The following PTPRG variants were observed in gnomAD, a reference collection of about 807,000 sequenced individuals.
PTPRG encodes the protein protein tyrosine phosphatase receptor type G.
In PTPRG, 102 loss-of-function variants were observed where a neutral mutation model predicts 165.3. The observed-to-expected ratio is 0.62, with a 90% CI of 0.53 to 0.73. PTPRG has a LOEUF of 0.73. Among genes scored for constraint, PTPRG ranks in the 30% least tolerant of loss-of-function variants. PTPRG has a pLI of 0.00. For missense variants in PTPRG, 1,866 were observed against 1,861.4 expected (o/e 1.00, Z -0.05); for synonymous variants, 675 against 669.5 (o/e 1.01, Z -0.13).
chr3:61,565,193 A>G (rs1307023163), intron 1 of PTPRG, among the ~76,000 whole-genome samples: 1 of 152,156 alleles, frequency 6.6e-6, no homozygotes, highest in Non-Finnish European at 1.5e-5. Flanking sequence ...GCTTTTTCCC[A>G]GTGGATTGGA....
At chr3:61,644,177 C>T (rs1160595386) in intron 1 of PTPRG, among the ~76,000 whole-genome samples, 1 of 152,194 alleles carries the variant, frequency 6.6e-6, no homozygotes, top group Non-Finnish European at 1.5e-5. Context: ...AGGCCTCTGT[C>T]TTTTCAGCTT....
intron 5 of PTPRG, among the ~76,000 whole-genome samples, chr3:62,121,896 C>T (rs1393891928): frequency 6.6e-6 from 1 of 152,160 alleles, no homozygotes; most frequent in Non-Finnish European, 1.5e-5. Context: ...CTACAAATGG[C>T]ACGTTCTATC....
intron 4 of PTPRG, among the ~76,000 whole-genome samples, chr3:62,063,373 A>G (rs1700884805): frequency 6.6e-6 from 1 of 152,166 alleles, no homozygotes; most frequent in Non-Finnish European, 1.5e-5. Context: ...CCTCTCTCTA[A>G]TCATTCCTGT....
intron 4 of PTPRG, among the ~76,000 whole-genome samples, chr3:62,074,732 A>G (rs1408824913): frequency 2.6e-5 from 4 of 152,160 alleles, no homozygotes; most frequent in Non-Finnish European, 2.9e-5. Flanking sequence ...ATTACTAGAA[A>G]GAACAGACTT....
Position 62,254,381 on chromosome 3 carries a change from C to T in PTPRG, c.2468-743C>T, listed in dbSNP as rs1176531875. On this transcript the variant is annotated intron_variant, in intron 15 of 29. Coordinates refer to ENST00000474889, the MANE Select transcript of PTPRG (RefSeq NM_002841.4). This position sits in a 1 kb window ranked among gnomAD's most constrained non-coding sequence, Gnocchi z 4.6. The stretch of plus-strand genomic sequence containing the variant: ...CTATTTTATAGCAGTACTCAAGTAT[C>T]ATGATAAATAAGCTTAAAACATACT... Among the ~76,000 whole-genome samples the T allele has an allele frequency of 6.6e-6, 1 of 152,072 alleles. No individual in the cohort carries two copies. The highest frequency in any genetic ancestry group is 1.5e-5 in the Non-Finnish European group (1 of 68,012).
chr3:61,665,964 G>A (rs1455388450), intron 1 of PTPRG, among the ~76,000 whole-genome samples: 1 of 147,986 alleles, frequency 6.8e-6, no homozygotes, highest in African/African-American at 2.5e-5. Flanking sequence ...TAGAATTCTA[G>A]CTCTTAACGC....
intron 1 of PTPRG, among the ~76,000 whole-genome samples, chr3:61,656,356 A>G (rs1559543119): frequency 6.6e-6 from 1 of 152,202 alleles, no homozygotes; most frequent in Admixed American, 6.5e-5. Flanking sequence ...GGATTAGCAA[A>G]TTTAGTAGGG....
At position 61,801,295 on chromosome 3, in the gene PTPRG, CAT is replaced by C. The variant is rs1575674538; in HGVS notation, c.190+52316_190+52317del. Among the ~76,000 whole-genome samples the C allele has an allele frequency of 2.0e-5, 3 of 151,800 alleles. No individual in the cohort carries two copies. The East Asian group carries it at 5.9e-4, about 30-fold the overall frequency. ...CTGGGGAGGGTGGTGTGCGCACACGCATATGTGTGTGTGTAATTTTTTTTTTT... is the reference window on the plus strand; with the variant it reads ...CTGGGGAGGGTGGTGTGCGCACACGCATGTGTGTGTGTAATTTTTTTTTTT... On this transcript the variant is annotated intron_variant, in intron 2 of 29. Transcript: ENST00000474889.
In PTPRG at chr3:62,271,350, G is replaced by T. The variant is rs368595279; in HGVS notation, c.3010-33G>T. 6.5e-7 allele frequency: 1 copy of T among 1,545,730 alleles called. No individual in the cohort carries two copies. Among genetic ancestry groups the T allele is most frequent in the Non-Finnish European group, 8.8e-7 (1 of 1,138,010 alleles). On this transcript the variant is annotated intron_variant, in intron 20 of 29. Coordinates refer to ENST00000474889, the MANE Select transcript of PTPRG (RefSeq NM_002841.4). The surrounding 1 kb of genome is among the most constrained non-coding windows in gnomAD (Gnocchi z 4.1). ...TTTTTTCCAGAATGTCCACCCCCCCGCTTAAAGACATCTTTTTTCACTTTT... is the reference window on the plus strand; with the variant it reads ...TTTTTTCCAGAATGTCCACCCCCCCTCTTAAAGACATCTTTTTTCACTTTT...
chr3:62,275,983 G>A lies in PTPRG; in HGVS notation c.3559+17G>A, dbSNP rs768940344. 3 of 1,555,790 alleles carry A rather than the reference G, an allele frequency of 1.9e-6. No individual in the cohort carries two copies. In the South Asian group the frequency reaches 3.4e-5, roughly 18 times the overall value. ...TTGTGCCATGTAAGACTTTAAAACA[G>A]TTTGTTAGTGATCTTTTATACTGGA... On this transcript the variant is annotated intron_variant, in intron 24 of 29. Coordinates refer to ENST00000474889, the MANE Select transcript of PTPRG (RefSeq NM_002841.4).
At chr3:62,265,112 TC>T (rs1339784515) in intron 17 of PTPRG, among the ~76,000 whole-genome samples, 1 of 152,208 alleles carries the variant, frequency 6.6e-6, no homozygotes, top group Non-Finnish European at 1.5e-5. Flanking sequence ...TCTAATCAGA[TC>T]CTTTACCATT....
Position 62,271,286 on chromosome 3 carries a change from T to C in PTPRG, c.3010-97T>C. ...GCCTGGGAACAGTGATTAGGGTGAA[T>C]GTGATCAGTGGTCATGTGTCCTGAC... On this transcript the variant is annotated intron_variant, in intron 20 of 29. Coordinates refer to ENST00000474889, the MANE Select transcript of PTPRG (RefSeq NM_002841.4). The surrounding 1 kb of genome is among the most constrained non-coding windows in gnomAD (Gnocchi z 4.1). 9.6e-7 allele frequency: 1 copy of C among 1,039,538 alleles called. No homozygotes were observed. The highest frequency in any genetic ancestry group is 1.4e-6 in the Non-Finnish European group (1 of 715,494). The allele number at this position is 1,039,538 out of a possible 1,614,324, so 64.4% of individuals were successfully genotyped here.
At chr3:61,593,863 C>T (rs939586114) in intron 1 of PTPRG, among the ~76,000 whole-genome samples, 2 of 152,082 alleles carry the variant, frequency 1.3e-5, no homozygotes, top group African/African-American at 4.8e-5. Flanking sequence ...TTTCTTTCAA[C>T]CTTGAAGGCA....
intron 8 of PTPRG, among the ~76,000 whole-genome samples, chr3:62,175,141 G>T (rs1368133723): frequency 6.6e-6 from 1 of 152,216 alleles, no homozygotes; most frequent in Non-Finnish European, 1.5e-5. Context: ...ATGAGTTGGT[G>T]TTAAGTTGCA....
intron 5 of PTPRG, among the ~76,000 whole-genome samples, chr3:62,102,603 A>G (rs766664041): frequency 2.0e-4 from 31 of 152,192 alleles, no homozygotes; most frequent in Non-Finnish European, 4.4e-4. Context: ...GAAAATGAAC[A>G]GAGTGGTGTC....
At position 62,269,097 on chromosome 3, in the gene PTPRG, G is replaced by A. The variant is rs143908630; in HGVS notation, c.2937G>A (p.Thr979=). 7.5e-6 allele frequency: 12 copies of A among 1,608,440 alleles called. No individual in the cohort carries two copies. The highest frequency in any genetic ancestry group is 1.3e-5 in the African/African-American group (1 of 74,852). ...AGGAATATGGAAACATTATTGTCAC[G>A]CTGAAGAGCACAAAAATACATGCCT... ...NSEEYGNIIV[T]LKSTKIHACY... The change falls in exon 20 of 30, where the codon ACG becomes ACA. Residue 979 remains threonine, a synonymous_variant. Transcript: ENST00000474889.
intron 3 of PTPRG, among the ~76,000 whole-genome samples, chr3:61,998,804 A>T (rs983720416): frequency 1.3e-5 from 2 of 152,224 alleles, no homozygotes; most frequent in Non-Finnish European, 2.9e-5. Flanking sequence ...TAGAAACTTC[A>T]TTCACCACAT....
In PTPRG at chr3:62,240,808, C is replaced by G. The variant is rs753856215; in HGVS notation, c.2376-2999C>G. Among the ~76,000 whole-genome samples, 1 of 152,232 alleles carries G rather than the reference C, an allele frequency of 6.6e-6. No individual in the cohort carries two copies. Among genetic ancestry groups the G allele is most frequent in the Admixed American group, 6.5e-5 (1 of 15,284 alleles). On this transcript the variant is annotated intron_variant, in intron 14 of 29. Transcript: ENST00000474889. The surrounding 1 kb of genome is among the most constrained non-coding windows in gnomAD (Gnocchi z 5.1). ...TAATCAGGCCTCAGCTCAAATGCCA[C>G]CTCCTCAGTGAAGTCCCTTCCTTCA...
At chr3:62,064,207 C>T (rs1402989328) in intron 4 of PTPRG, among the ~76,000 whole-genome samples, 1 of 152,124 alleles carries the variant, frequency 6.6e-6, no homozygotes, top group African/African-American at 2.4e-5. Flanking sequence ...TTCTTGGCCC[C>T]AAATGAATAC....
Sources: allele counts gnomAD v4.1 joint callset (sites outside exome capture counted in the v4.1 genomes callset), GRCh38; gene constraint gnomAD v4.1.1; non-coding constraint Gnocchi (gnomAD v3.1); transcripts MANE v1.5; gene names NCBI Gene and HGNC (gene_info 2026-07-23, HGNC 2026-07-21).